The following MEI4 variants were observed in gnomAD, a reference collection of about 807,000 sequenced individuals.
MEI4 encodes meiotic double-stranded break formation protein 4.
A neutral mutation model predicts 31.4 loss-of-function variants in MEI4; 27 were observed. The observed-to-expected ratio is 0.86, with a 90% CI of 0.63 to 1.19. MEI4 has a LOEUF of 1.19. MEI4 is among the 50% of genes most tolerant of loss of function. MEI4 has a pLI of 0.00. For missense variants in MEI4, 329 were observed against 398.9 expected (o/e 0.82, Z 1.49); for synonymous variants, 122 against 145.4 (o/e 0.84, Z 1.16).
In MEI4 at chr6:77,829,004, T is replaced by C. The variant is rs1770018991; in HGVS notation, c.842T>C (p.Ile281Thr). 8.1e-7 allele frequency: 1 copy of C among 1,232,078 alleles called. No homozygotes were observed. The highest frequency in any genetic ancestry group is 1.5e-5 in the African/African-American group (1 of 64,528). The allele number at this position is 1,232,078 out of a possible 1,614,324, so 76.3% of individuals were successfully genotyped here. The change falls in exon 4 of 5, where the codon ATA becomes ACA. Residue 281 changes from isoleucine to threonine, a missense_variant. Transcript: ENST00000684080. ...TGCAGCTTGTTGAGAAAATCTATTA[T>C]ATCTCTGCTTCTATCAGAAGTAAAT... ...GNCSLLRKSI[I>T]SLLLSEVNGF... is the part of the protein sequence containing the mutation.
chr6:77,873,779 G>T (rs1771259092), intron 4 of MEI4, among the ~76,000 whole-genome samples: 1 of 152,116 alleles, frequency 6.6e-6, no homozygotes, highest in Non-Finnish European at 1.5e-5. Flanking sequence ...ATTAATTTTT[G>T]TATAAGGTGT....
In MEI4 at chr6:77,877,835, A is replaced by G. The variant is rs371750960; in HGVS notation, c.901-45254A>G. ...TTATTCTTATTGAGACACAATAAGA[A>G]AATAAAAAACAATTTAAGTGAGAAC... On this transcript the variant is annotated intron_variant, in intron 4 of 4. Transcript: ENST00000684080. Among the ~76,000 whole-genome samples the G allele has an allele frequency of 3.3e-5, 5 of 152,008 alleles. No homozygotes were observed. In the East Asian group the frequency reaches 9.7e-4, roughly 29 times the overall value.
chr6:77,881,671 G>C (rs1224382270), intron 4 of MEI4, among the ~76,000 whole-genome samples: 1 of 152,110 alleles, frequency 6.6e-6, no homozygotes, highest in Non-Finnish European at 1.5e-5. Flanking sequence ...ATGCTTATGA[G>C]CATCTATTTT....
chr6:77,800,697 A>G (rs1354302589), intron 3 of MEI4, among the ~76,000 whole-genome samples: 1 of 150,618 alleles, frequency 6.6e-6, no homozygotes, highest in Non-Finnish European at 1.5e-5. Flanking sequence ...AATTTTTAGC[A>G]TGAAGTGCTG....
chr6:77,695,710 T>C (rs1766016968), intron 2 of MEI4, among the ~76,000 whole-genome samples: 1 of 152,226 alleles, frequency 6.6e-6, no homozygotes, highest in Admixed American at 6.5e-5. Flanking sequence ...TGCCTCCGGC[T>C]TTGTTCTTTT....
At chr6:77,899,983 A>T (rs1766156412) in intron 4 of MEI4, among the ~76,000 whole-genome samples, 1 of 151,990 alleles carries the variant, frequency 6.6e-6, no homozygotes, top group African/African-American at 2.4e-5. Context: ...AAGAATTTTT[A>T]AATAAGACCT....
intron 3 of MEI4, among the ~76,000 whole-genome samples, chr6:77,763,610 T>G (rs1037721534): frequency 2.6e-5 from 4 of 152,184 alleles, no homozygotes; most frequent in African/African-American, 9.6e-5. Context: ...TAGATCCACC[T>G]ATACCATCAC....
intron 2 of MEI4, among the ~76,000 whole-genome samples, chr6:77,759,213 G>A (rs1450271281): frequency 6.6e-6 from 1 of 151,706 alleles, no homozygotes; most frequent in Non-Finnish European, 1.5e-5. Context: ...ATTTTTTCTT[G>A]TACCTTTTAA....
intron 2 of MEI4, among the ~76,000 whole-genome samples, chr6:77,733,506 A>G (rs980204486): frequency 6.6e-6 from 1 of 151,422 alleles, no homozygotes; most frequent in Non-Finnish European, 1.5e-5. Flanking sequence ...TGTCTATTTG[A>G]TTCTTCTCTC....
intron 4 of MEI4, among the ~76,000 whole-genome samples, chr6:77,918,848 G>C (rs927810843): frequency 6.6e-5 from 10 of 152,002 alleles, no homozygotes; most frequent in Admixed American, 1.3e-4. Context: ...TCTTGTGCCA[G>C]TTTTCAAAGA....
At chr6:77,855,645 C>A (rs951264217) in intron 4 of MEI4, among the ~76,000 whole-genome samples, 2 of 152,184 alleles carry the variant, frequency 1.3e-5, no homozygotes, top group Non-Finnish European at 2.9e-5. Context: ...CTAACCCCTT[C>A]TGTATTGGAA....
intron 3 of MEI4, among the ~76,000 whole-genome samples, chr6:77,776,591 C>G (rs982588319): frequency 1.3e-5 from 2 of 152,078 alleles, no homozygotes; most frequent in African/African-American, 4.8e-5. Flanking sequence ...GGAACTCTTA[C>G]AGTTATCTTG....
chr6:77,895,454 A>G lies in MEI4; in HGVS notation c.901-27635A>G, dbSNP rs561591677. Among the ~76,000 whole-genome samples the G allele has an allele frequency of 1.1e-3, 172 of 152,206 alleles. 1 individual carries two copies. Among genetic ancestry groups the G allele is most frequent in the African/African-American group, 4.0e-3 (168 of 41,548 alleles). ...ACAGACATTTTTTCCTATACCGACA[A>G]CAATTTTCAAGTCACCTCTCCTGAA... On this transcript the variant is annotated intron_variant, in intron 4 of 4. Transcript: ENST00000684080.
Position 77,924,634 on chromosome 6 carries a change from C to G in MEI4, c.*1288C>G, listed in dbSNP as rs950321640. 1 of 151,796 alleles carries G rather than the reference C, an allele frequency of 6.6e-6. No homozygotes were observed. Among genetic ancestry groups the G allele is most frequent in the African/African-American group, 2.4e-5 (1 of 41,380 alleles). 9.4% of individuals were successfully genotyped at this position (151,796 alleles called of 1,614,324 possible). On this transcript the variant is annotated 3_prime_UTR_variant, in exon 5 of 5. Transcript: ENST00000684080. ...AATAGGCTTCTTGCTAAAAGTCAGG[C>G]TTTCTTCTCTTCCACATGTGCATAT...
At chr6:77,677,438 G>C (rs942900225) in intron 1 of MEI4, among the ~76,000 whole-genome samples, 4 of 152,162 alleles carry the variant, frequency 2.6e-5, no homozygotes, top group African/African-American at 9.7e-5. Context: ...AGTTGTGCAA[G>C]CTGGAACTTG....
chr6:77,918,049 C>G (rs1394367334), intron 4 of MEI4, among the ~76,000 whole-genome samples: 100 of 151,322 alleles, frequency 6.6e-4, no homozygotes, highest in African/African-American at 1.6e-3. Context: ...GCTTGTTTTT[C>G]TCAGGTTTGT....
intron 2 of MEI4, among the ~76,000 whole-genome samples, chr6:77,749,360 G>T (rs1767704120): frequency 2.0e-5 from 3 of 152,132 alleles, no homozygotes; most frequent in Non-Finnish European, 4.4e-5. Flanking sequence ...CAAGGAAGCT[G>T]AGAACCTTGA....
rs1766758980 is a variant in MEI4 at position 77,923,437 on chromosome 6, A to G, written c.*91A>G. ...TGAAAAGATTTTCAATAGTATTTTA[A>G]TTAGCATTTTAGAATTGATCTCTAA... On this transcript the variant is annotated 3_prime_UTR_variant, in exon 5 of 5. Transcript: ENST00000684080. 2.0e-6 allele frequency: 2 copies of G among 994,682 alleles called. No homozygotes were observed. Among genetic ancestry groups the G allele is most frequent in the East Asian group, 6.6e-5 (2 of 30,368 alleles). 61.6% of individuals were successfully genotyped at this position (994,682 alleles called of 1,614,324 possible). A position where few individuals can be genotyped will look rare whatever the true frequency, so the allele number is the denominator to read the frequency against.
At chr6:77,656,307 T>C (rs1363991124) in intron 1 of MEI4, among the ~76,000 whole-genome samples, 1 of 152,142 alleles carries the variant, frequency 6.6e-6, no homozygotes, top group Non-Finnish European at 1.5e-5. Flanking sequence ...TTCTTATGAC[T>C]TCCTATTTTC....
Sources: allele counts gnomAD v4.1 joint callset (sites outside exome capture counted in the v4.1 genomes callset), GRCh38; gene constraint gnomAD v4.1.1; transcripts MANE v1.5; gene names NCBI Gene and HGNC (gene_info 2026-07-23, HGNC 2026-07-21).